KHDRBS2: variants seen among roughly 807,000 people sequenced by gnomAD.
The protein encoded by KHDRBS2 is KH domain-containing, RNA-binding, signal transduction-associated protein 2.
In KHDRBS2, 26 loss-of-function variants were observed where a neutral mutation model predicts 44.3. That is an observed-to-expected ratio of 0.59 (90% CI 0.43 to 0.81). KHDRBS2 has a LOEUF of 0.81. KHDRBS2 is among the 40% of genes least tolerant of loss of function. The pLI is 0.00. For synonymous variants in KHDRBS2, 194 were observed against 151.1 expected, an observed-to-expected ratio of 1.28 and a Z score of -2.08; for missense variants, 476 against 433.1, an observed-to-expected ratio of 1.10 and a Z score of -0.88.
intron 3 of KHDRBS2, among the ~76,000 whole-genome samples, chr6:62,010,986 A>C (rs1691883606): frequency 6.6e-6 from 1 of 152,170 alleles, no homozygotes; most frequent in African/African-American, 2.4e-5. Context: ...ATTTTACTTT[A>C]AAGTGTTTTG....
At chr6:62,217,671 T>G (rs780803917) in intron 1 of KHDRBS2, among the ~76,000 whole-genome samples, 31 of 151,832 alleles carry the variant, frequency 2.0e-4, no homozygotes, top group Non-Finnish European at 4.0e-4. Context: ...ATTAGAACAG[T>G]CTGAGTCTAA....
At chr6:62,197,413 C>T (rs1181113398) in intron 1 of KHDRBS2, among the ~76,000 whole-genome samples, 1 of 152,114 alleles carries the variant, frequency 6.6e-6, no homozygotes, top group African/African-American at 2.4e-5. Context: ...ATATACAATA[C>T]ATCACCAATC....
the KHDRBS2 span, among the ~76,000 whole-genome samples, chr6:61,553,774 G>A: frequency 0.19 from 28,483 of 152,000 alleles, 3,034 homozygotes; most frequent in East Asian, 0.29. Context: ...GTTATTCTGG[G>A]TCAAGTTGTT....
At chr6:61,761,996 A>G (rs1482927883) in intron 6 of KHDRBS2, among the ~76,000 whole-genome samples, 1 of 152,214 alleles carries the variant, frequency 6.6e-6, no homozygotes, top group Non-Finnish European at 1.5e-5. Context: ...CTAAAGGGTA[A>G]TAAGAATGAA....
chr6:62,139,933 C>T (rs1279232443), intron 2 of KHDRBS2, among the ~76,000 whole-genome samples: 1 of 150,294 alleles, frequency 6.7e-6, no homozygotes, highest in Non-Finnish European at 1.5e-5. Flanking sequence ...CGCTTTTGTC[C>T]TGAGACCTTA....
intron 1 of KHDRBS2, among the ~76,000 whole-genome samples, chr6:62,231,999 G>A (rs937608438): frequency 6.6e-6 from 1 of 152,038 alleles, no homozygotes; most frequent in Non-Finnish European, 1.5e-5. Context: ...AATATGTTTT[G>A]AAATAATTTG....
At chr6:62,251,986 T>C (rs1836615601) in intron 1 of KHDRBS2, among the ~76,000 whole-genome samples, 1 of 151,894 alleles carries the variant, frequency 6.6e-6, no homozygotes, top group South Asian at 2.1e-4. Context: ...AAGTGGGGCA[T>C]TTGTGAACAT....
chr6:61,788,405 AG>A (rs1784142333), intron 6 of KHDRBS2, among the ~76,000 whole-genome samples: 1 of 151,460 alleles, frequency 6.6e-6, no homozygotes. Context: ...GACAGAGAAT[AG>A]GTTTTCTTCC....
chr6:62,271,738 A>AAAT (rs937590080), intron 1 of KHDRBS2, among the ~76,000 whole-genome samples: 12 of 152,038 alleles, frequency 7.9e-5, no homozygotes, highest in African/African-American at 2.7e-4. Context: ...AAGAGTAAAA[A>AAAT]AATAATAATA....
rs74623905 is a variant in KHDRBS2 at position 61,694,534 on chromosome 6, G to A, written c.952+2661C>T. Among the ~76,000 whole-genome samples the A allele has an allele frequency of 7.9e-5, 12 of 152,186 alleles. No individual in the cohort carries two copies. In the East Asian group the frequency reaches 1.7e-3, roughly 22 times the overall value. ...GTGTAACCAATTGTACAAGGCTTGC[G>A]GCCTCATTCCTATATGATTAAGAAT... is the stretch of plus-strand genomic sequence containing the variant. On this transcript the variant is annotated intron_variant, in intron 8 of 8. Coordinates refer to ENST00000281156, the MANE Select transcript of KHDRBS2 (RefSeq NM_152688.4).
chr6:61,718,906 A>T (rs1450694511), intron 7 of KHDRBS2, among the ~76,000 whole-genome samples: 1 of 151,994 alleles, frequency 6.6e-6, no homozygotes, highest in Non-Finnish European at 1.5e-5. Context: ...CCGCCCCCAC[A>T]CTGTTTCAGC....
chr6:61,964,979 T>C (rs1358533314), intron 4 of KHDRBS2, among the ~76,000 whole-genome samples: 7 of 152,178 alleles, frequency 4.6e-5, no homozygotes, highest in East Asian at 3.9e-4. Flanking sequence ...TATTTCAGTA[T>C]ACTTGTATAT....
At chr6:61,691,450 T>C (rs1204124) in intron 8 of KHDRBS2, among the ~76,000 whole-genome samples, 128,853 of 151,992 alleles carry the variant, frequency 0.85, 54,937 homozygotes, top group Non-Finnish European at 0.9. Context: ...TTCACTAGGC[T>C]TTCTTCCTTT....
rs182054391 is a variant in KHDRBS2, at chr6:61,890,242, G to A, written c.810+4393C>T. On this transcript the variant is annotated intron_variant, in intron 6 of 8. Coordinates refer to ENST00000281156, the MANE Select transcript of KHDRBS2 (RefSeq NM_152688.4). ...ACTGATTGAATAAATAAAAGCAAGT[G>A]GGTACTTTAAAATCTAAATAATAAT... Among the ~76,000 whole-genome samples the A allele has an allele frequency of 3.9e-5, 6 of 152,128 alleles. No homozygotes were observed. In the East Asian group the frequency reaches 1.2e-3, roughly 29 times the overall value.
intron 6 of KHDRBS2, among the ~76,000 whole-genome samples, chr6:61,864,788 C>T (rs1370718878): frequency 6.6e-6 from 1 of 152,128 alleles, no homozygotes; most frequent in African/African-American, 2.4e-5. Flanking sequence ...CTCTGCATTT[C>T]CTGAATTTGA....
intron 2 of KHDRBS2, among the ~76,000 whole-genome samples, chr6:62,142,051 C>T (rs538584021): frequency 4.6e-5 from 7 of 151,962 alleles, no homozygotes; most frequent in Admixed American, 1.3e-4. Flanking sequence ...GCATACTAGA[C>T]GACCTCTTCT....
Position 62,285,900 on chromosome 6 carries a change from G to A in KHDRBS2, c.49C>T (p.Leu17=), listed in dbSNP as rs764833050. ...GACGCATGCACAAAAGATGGATCCA[G>A]GCTATCTTTCTCTGCCATCAGCTCA... The part of the protein sequence containing the change: ...LPELMAEKDS[L]DPSFVHASRL... The change falls in exon 1 of 9, where the codon CTG becomes TTG. Residue 17 remains leucine, a synonymous_variant. Transcript: ENST00000281156. 3 of 1,613,538 alleles carry A rather than the reference G, an allele frequency of 1.9e-6. No homozygotes were observed. Among genetic ancestry groups the A allele is most frequent in the East Asian group, 2.2e-5 (1 of 44,796 alleles).
intron 8 of KHDRBS2, among the ~76,000 whole-genome samples, chr6:61,683,916 G>T (rs1244307392): frequency 6.6e-6 from 1 of 151,886 alleles, no homozygotes; most frequent in Non-Finnish European, 1.5e-5. Context: ...GCAAAAGTAA[G>T]TTTCTAATTT....
At chr6:61,926,242 G>A (rs1341831146) in intron 4 of KHDRBS2, among the ~76,000 whole-genome samples, 1 of 152,110 alleles carries the variant, frequency 6.6e-6, no homozygotes, top group East Asian at 1.9e-4. Context: ...AAATAACTGT[G>A]CAGGAAGTAT....
Sources: gnomAD v4.1 joint callset for allele counts (sites outside exome capture counted in the v4.1 genomes callset) on GRCh38, gnomAD v4.1.1 for gene constraint, MANE v1.5 for transcripts, NCBI Gene and HGNC (gene_info 2026-07-23, HGNC 2026-07-21) for gene names.